EPS15L1: variants seen among roughly 807,000 people sequenced by gnomAD.
EPS15L1 encodes epidermal growth factor receptor pathway substrate 15 like 1.
Under a neutral mutation model 117.1 loss-of-function variants are expected in EPS15L1, and 43 were observed. The observed-to-expected ratio is 0.37, with a 90% CI of 0.29 to 0.47. EPS15L1 has a LOEUF of 0.47. Among genes scored for constraint, EPS15L1 ranks in the 20% least tolerant of loss-of-function variants. The pLI is 0.99. For missense variants in EPS15L1, 981 were observed against 1,164.0 expected, an observed-to-expected ratio of 0.84 and a Z score of 2.29; for synonymous variants, 459 against 470.5, an observed-to-expected ratio of 0.98 and a Z score of 0.32.
At chr19:16,416,008 C>T (rs968166879) in intron 12 of EPS15L1, among the ~76,000 whole-genome samples, 1 of 152,212 alleles carries the variant, frequency 6.6e-6, no homozygotes, top group African/African-American at 2.4e-5. Flanking sequence ...CTGCACTGAA[C>T]ATGAAGTGGG....
rs1176565923 is a variant in EPS15L1, at chr19:16,471,119, T to A, written c.33+794A>T. ...TTGCACAACACAGGTATTCAGCAAA[T>A]AAAGGCAGCTGTGATTAGCATAACA... On this transcript the variant is annotated intron_variant, in intron 1 of 23. Coordinates refer to ENST00000455140, the MANE Select transcript of EPS15L1 (RefSeq NM_001258374.3). The surrounding 1 kb of genome is among the most constrained non-coding windows in gnomAD (Gnocchi z 4.8). 6.6e-6 allele frequency among the ~76,000 whole-genome samples: 1 copy of A among 152,122 alleles called. No individual in the cohort carries two copies. The highest frequency in any genetic ancestry group is 1.5e-5 in the Non-Finnish European group (1 of 68,024).
chr19:16,464,821 C>T (rs143031965), intron 1 of EPS15L1, among the ~76,000 whole-genome samples: 336 of 152,222 alleles, frequency 2.2e-3, no homozygotes, highest in Non-Finnish European at 3.9e-3. Flanking sequence ...TGGTGGCTCA[C>T]GCCTGTAATC....
chr19:16,400,108 G>A (rs574191082), intron 16 of EPS15L1, among the ~76,000 whole-genome samples: 10 of 152,184 alleles, frequency 6.6e-5, no homozygotes, highest in South Asian at 2.1e-4. Flanking sequence ...AGGTCGAGGC[G>A]GGCAGATTGC....
chr19:16,423,378 T>C (rs1280564609), intron 9 of EPS15L1, among the ~76,000 whole-genome samples: 1 of 152,032 alleles, frequency 6.6e-6, no homozygotes. Flanking sequence ...CCAGCCAGCA[T>C]AACACAGCAA....
At chr19:16,389,495 T>A (rs1277480778) in intron 19 of EPS15L1, among the ~76,000 whole-genome samples, 1 of 152,112 alleles carries the variant, frequency 6.6e-6, no homozygotes, top group East Asian at 1.9e-4. Context: ...CGACCTGAGC[T>A]ATAAGAAGTG....
At chr19:16,396,876 C>T (rs1337079767) in intron 16 of EPS15L1, among the ~76,000 whole-genome samples, 1 of 151,888 alleles carries the variant, frequency 6.6e-6, no homozygotes, top group Non-Finnish European at 1.5e-5. Flanking sequence ...GGTATGATTC[C>T]ACTTCTATGA....
Position 16,385,935 on chromosome 19 carries a change from A to G in EPS15L1, c.2164+236T>C, listed in dbSNP as rs182487228. ...AGTAGTTAATATCACTGGTGCTATT[A>G]CTGAATTCCTACTGCCAAAATTCCT... On this transcript the variant is annotated intron_variant, in intron 20 of 23. Transcript: ENST00000455140. 1.5e-4 allele frequency among the ~76,000 whole-genome samples: 23 copies of G among 152,358 alleles called. No homozygotes were observed. The East Asian group carries it at 1.7e-3, about 11-fold the overall frequency.
Position 16,402,610 on chromosome 19 carries a change from T to C in EPS15L1, c.1627-125A>G, listed in dbSNP as rs2092614051. ...AGACTGGAATGTAGTGGAGTGATCA[T>C]AGCTCACTGTAGCCTTGAGCTCCTG... is the stretch of plus-strand genomic sequence containing the variant. On this transcript the variant is annotated intron_variant, in intron 15 of 23. Coordinates refer to ENST00000455140, the MANE Select transcript of EPS15L1 (RefSeq NM_001258374.3). 1.5e-5 allele frequency: 13 copies of C among 864,110 alleles called. 1 individual carries two copies. In the South Asian group the frequency reaches 2.4e-4, roughly 16 times the overall value. 53.5% of individuals were successfully genotyped at this position (864,110 alleles called of 1,614,324 possible). A position where few individuals can be genotyped will look rare whatever the true frequency, so the allele number is the denominator to read the frequency against.
At position 16,404,843 on chromosome 19, in the gene EPS15L1, G is replaced by T; in HGVS notation, c.1267-94C>A. 3 of 1,423,300 alleles carry T rather than the reference G, an allele frequency of 2.1e-6. No individual in the cohort carries two copies. The highest frequency in any genetic ancestry group is 2.9e-6 in the Non-Finnish European group (3 of 1,034,008). 88.2% of individuals were successfully genotyped at this position (1,423,300 alleles called of 1,614,324 possible). A position where few individuals can be genotyped will look rare whatever the true frequency, so the allele number is the denominator to read the frequency against. ...AGCCTGGGCCAGAAGTCCAGGGGAA[G>T]CCTCCGAAACCACCCACTGTGACCG... On this transcript the variant is annotated intron_variant, in intron 13 of 23. Coordinates refer to ENST00000455140, the MANE Select transcript of EPS15L1 (RefSeq NM_001258374.3). The surrounding 1 kb of genome is among the most constrained non-coding windows in gnomAD (Gnocchi z 4.2).
At chr19:16,467,206 T>G (rs1368599078) in intron 1 of EPS15L1, among the ~76,000 whole-genome samples, 3 of 151,112 alleles carry the variant, frequency 2.0e-5, no homozygotes, top group Non-Finnish European at 4.4e-5. Context: ...GAGTGTGCAG[T>G]GGAGTGATCT....
At chr19:16,425,006 G>T in intron 9 of EPS15L1, 77 bp downstream of exon 9, 1 of 1,230,162 alleles carries the variant, frequency 8.1e-7, no homozygotes, top group Non-Finnish European at 1.2e-6. Context: ...GACCGTTCTG[G>T]GGTTGCATGT....
chr19:16,442,540 G>C (rs973824494), intron 1 of EPS15L1, among the ~76,000 whole-genome samples: 2 of 152,192 alleles, frequency 1.3e-5, no homozygotes, highest in Non-Finnish European at 2.9e-5. Flanking sequence ...TCAGCTCCTG[G>C]AGAGCTCAGA....
In EPS15L1 at chr19:16,471,678, A is replaced by G. The variant is rs1317386572; in HGVS notation, c.33+235T>C. On this transcript the variant is annotated intron_variant, in intron 1 of 23. Transcript: ENST00000455140. The surrounding 1 kb of genome is among the most constrained non-coding windows in gnomAD (Gnocchi z 4.8). ...GGTCCGGGCCCTGGGCGGAGAGGAC[A>G]CGCGCTGCGCACCTCCTCGCCTCGC... Among the ~76,000 whole-genome samples the G allele has an allele frequency of 1.3e-5, 2 of 151,904 alleles. No individual in the cohort carries two copies. Among genetic ancestry groups the G allele is most frequent in the African/African-American group, 4.8e-5 (2 of 41,386 alleles).
intron 22 of EPS15L1, among the ~76,000 whole-genome samples, chr19:16,375,215 T>C (rs976575361): frequency 6.6e-6 from 1 of 152,226 alleles, no homozygotes; most frequent in African/African-American, 2.4e-5. Flanking sequence ...TGCAGGCACA[T>C]GCGAGAATAC....
Position 16,471,775 on chromosome 19 carries a change from C to A in EPS15L1, c.33+138G>T. 3.3e-6 allele frequency: 1 copy of A among 300,958 alleles called. No individual in the cohort carries two copies. The highest frequency in any genetic ancestry group is 1.4e-4 in the South Asian group (1 of 7,250). The allele number at this position is 300,958 out of a possible 1,614,324, so 18.6% of individuals were successfully genotyped here. On this transcript the variant is annotated intron_variant, in intron 1 of 23. Transcript: ENST00000455140. The surrounding 1 kb of genome is among the most constrained non-coding windows in gnomAD (Gnocchi z 4.8). ...CCTGTCACCTTCAGGGCCGCCTGCC[C>A]ACCCGCCCGCCGCAAGCCCTTCAGC...
chr19:16,411,858 C>A (rs994613671), intron 13 of EPS15L1, among the ~76,000 whole-genome samples: 1 of 151,996 alleles, frequency 6.6e-6, no homozygotes, highest in Non-Finnish European at 1.5e-5. Context: ...TGCCACTACA[C>A]CCGGCTTTTG....
Position 16,404,814 on chromosome 19 carries a change from G to C in EPS15L1, c.1267-65C>G, listed in dbSNP as rs2092639754. On this transcript the variant is annotated intron_variant, in intron 13 of 23. Transcript: ENST00000455140. This position sits in a 1 kb window ranked among gnomAD's most constrained non-coding sequence, Gnocchi z 4.2. Reference sequence around the variant, plus strand: ...AATGAAGCATGTCCAAGATAACGGGGGGCAGCCTGGGCCAGAAGTCCAGGG... The same window carrying C: ...AATGAAGCATGTCCAAGATAACGGGCGGCAGCCTGGGCCAGAAGTCCAGGG... 2.6e-6 allele frequency: 4 copies of C among 1,565,680 alleles called. No homozygotes were observed. Among genetic ancestry groups the C allele is most frequent in the South Asian group, 2.3e-5 (2 of 86,764 alleles).
At chr19:16,413,294 G>A (rs766204574) in intron 13 of EPS15L1, 69 of 664,274 alleles carry the variant, frequency 1.0e-4, no homozygotes, top group Non-Finnish European at 1.8e-4. Flanking sequence ...CCACGCCCAG[G>A]GGCACTGGCA....
chr19:16,367,497 TAAAAAA>T (rs71178691), intron 22 of EPS15L1, among the ~76,000 whole-genome samples: 16 of 65,308 alleles, frequency 2.4e-4, no homozygotes, highest in African/African-American at 8.6e-4. Context: ...TATGTGCTGT[TAAAAAA>T]AAAAAAAAAA....
Sources: allele counts gnomAD v4.1 joint callset (sites outside exome capture counted in the v4.1 genomes callset), GRCh38; gene constraint gnomAD v4.1.1; non-coding constraint Gnocchi (gnomAD v3.1); transcripts MANE v1.5; gene names NCBI Gene and HGNC (gene_info 2026-07-23, HGNC 2026-07-21).